ARHGEF9: variants seen among roughly 807,000 people sequenced by gnomAD.
ARHGEF9 encodes Cdc42 guanine nucleotide exchange factor 9, also known as rho guanine nucleotide exchange factor 9.
A neutral mutation model predicts 41.3 loss-of-function variants in ARHGEF9; 2 were observed. The ratio of observed to expected loss-of-function variants is 0.05; its 90% CI spans 0.02 to 0.15. ARHGEF9 has a LOEUF of 0.15. ARHGEF9 is among the 10% of genes least tolerant of loss of function. The pLI is 1.00. For synonymous variants in ARHGEF9, 160 were observed against 154.4 expected, an observed-to-expected ratio of 1.04 and a Z score of -0.27; for missense variants, 225 against 424.7, an observed-to-expected ratio of 0.53 and a Z score of 4.13.
intron 1 of ARHGEF9, among the ~76,000 whole-genome samples, chrX:63,780,275 T>C (rs1291329616): frequency 8.9e-6 from 1 of 111,874 alleles, no homozygotes; most frequent in Non-Finnish European, 1.9e-5. Flanking sequence ...TCAGTATAGA[T>C]ATACTTCTGT....
chrX:63,708,181 T>C (rs1475514771), intron 2 of ARHGEF9, among the ~76,000 whole-genome samples: 2 of 111,484 alleles, frequency 1.8e-5, no homozygotes, highest in Non-Finnish European at 3.8e-5. Flanking sequence ...CTCATATACA[T>C]GATGCTGTCT....
intron 1 of ARHGEF9, among the ~76,000 whole-genome samples, chrX:63,767,947 T>C (rs2056140374): frequency 8.9e-6 from 1 of 111,891 alleles, no homozygotes; most frequent in Non-Finnish European, 1.9e-5. Flanking sequence ...GGGAGAGTGT[T>C]GTTGTGAGGA....
chrX:63,684,669 G>T (rs1387021268), intron 4 of ARHGEF9, among the ~76,000 whole-genome samples: 7 of 110,132 alleles, frequency 6.4e-5, no homozygotes. Context: ...ACTGTCGGGT[G>T]TATATGTATA....
At chrX:63,725,182 C>T (rs1269175052) in intron 1 of ARHGEF9, among the ~76,000 whole-genome samples, 1 of 110,746 alleles carries the variant, frequency 9.0e-6, no homozygotes, top group African/African-American at 3.3e-5. Flanking sequence ...TATTTAACCC[C>T]ACCGTGACCC....
intron 2 of ARHGEF9, chrX:63,713,020 A>C (rs2053043440): frequency 8.9e-6 from 1 of 111,893 alleles, no homozygotes. Flanking sequence ...AACTACCATA[A>C]TATCCAGCCA....
chrX:63,733,644 T>C (rs1474359524), intron 1 of ARHGEF9, among the ~76,000 whole-genome samples: 1 of 112,408 alleles, frequency 8.9e-6, no homozygotes, highest in Non-Finnish European at 1.9e-5. Flanking sequence ...AAAATCATCT[T>C]TTTCCTAATT....
intron 3 of ARHGEF9, among the ~76,000 whole-genome samples, chrX:63,703,478 T>C (rs2052327880): frequency 8.9e-6 from 1 of 112,439 alleles, no homozygotes; most frequent in South Asian, 3.7e-4. Context: ...ACAACTTTTG[T>C]CCTGTTTGAA....
chrX:63,656,967 G>T (rs1199531198), intron 7 of ARHGEF9: 1 of 111,986 alleles, frequency 8.9e-6, no homozygotes, highest in African/African-American at 3.2e-5. Flanking sequence ...TGACATATAG[G>T]CCTATGGAAT....
In ARHGEF9 at chrX:63,674,013, A is replaced by G. The variant is rs1367219012; in HGVS notation, c.945+25T>C. On this transcript the variant is annotated intron_variant, in intron 6 of 9. Coordinates refer to ENST00000671741, the MANE Select transcript of ARHGEF9 (RefSeq NM_001353921.2). ...TTTGCCAAGCTATTCAGATTTCCCA[A>G]TACCCTGGTTGGTAAGTTTCCTACC... 5.8e-6 allele frequency: 7 copies of G among 1,208,467 alleles called. No homozygotes were observed. In the East Asian group the frequency reaches 8.9e-5, roughly 15 times the overall value.
Position 63,635,689 on chromosome X carries a change from C to A in ARHGEF9, c.*2339G>T. 1 of 266,115 alleles carries A rather than the reference C, an allele frequency of 3.8e-6. No individual in the cohort carries two copies. Among genetic ancestry groups the A allele is most frequent in the South Asian group, 6.9e-5 (1 of 14,409 alleles). 21.9% of individuals were successfully genotyped at this position (266,115 alleles called of 1,213,427 possible). On this transcript the variant is annotated 3_prime_UTR_variant, in exon 10 of 10. Transcript: ENST00000671741. ...ATATCCCTGATCCTGGAGCCCTGGG[C>A]AGAAGCCCCAAGGAGGGAGGAAATG...
intron 8 of ARHGEF9, 123 bp downstream of exon 8, chrX:63,655,371 C>G (rs1556334373): frequency 9.5e-7 from 1 of 1,047,609 alleles, no homozygotes; most frequent in African/African-American, 1.9e-5. Flanking sequence ...TAAGGAACCA[C>G]CAAAGTAGCT....
intron 1 of ARHGEF9, among the ~76,000 whole-genome samples, chrX:63,726,870 C>G (rs1201862744): frequency 8.9e-6 from 1 of 111,873 alleles, no homozygotes; most frequent in Non-Finnish European, 1.9e-5. Flanking sequence ...ATGTACACAG[C>G]CACCTTTAAT....
intron 4 of ARHGEF9, among the ~76,000 whole-genome samples, chrX:63,689,531 A>G (rs1249240918): frequency 1.8e-5 from 2 of 112,293 alleles, no homozygotes; most frequent in Non-Finnish European, 3.8e-5. Context: ...AGAGAGACAG[A>G]CTACAACACC....
At chrX:63,648,288 T>G (rs781801748) in intron 8 of ARHGEF9, among the ~76,000 whole-genome samples, 1 of 110,576 alleles carries the variant, frequency 9.0e-6, no homozygotes, top group Non-Finnish European at 1.9e-5. Flanking sequence ...AGAGTGGGGG[T>G]CAATATTGAA....
intron 1 of ARHGEF9, among the ~76,000 whole-genome samples, chrX:63,760,337 G>C (rs782388565): frequency 9.0e-6 from 1 of 111,183 alleles, no homozygotes; most frequent in Non-Finnish European, 1.9e-5. Flanking sequence ...AGATGCTCTT[G>C]CATGTTCATG....
At chrX:63,777,427 C>T (rs1485079080) in intron 1 of ARHGEF9, among the ~76,000 whole-genome samples, 3 of 110,641 alleles carry the variant, frequency 2.7e-5, no homozygotes, top group South Asian at 7.9e-4. Flanking sequence ...CACAGCCAAA[C>T]CATAGCATTC....
At chrX:63,752,082 C>A (rs782742288) in intron 1 of ARHGEF9, among the ~76,000 whole-genome samples, 6 of 111,576 alleles carry the variant, frequency 5.4e-5, no homozygotes, top group African/African-American at 1.3e-4. Context: ...GCAAAAAAAA[C>A]CCCTTCGCTT....
intron 1 of ARHGEF9, chrX:63,755,230 G>T (rs1392751012): frequency 5.3e-6 from 5 of 936,795 alleles, no homozygotes; most frequent in Admixed American, 5.8e-5. Flanking sequence ...AACAGATGCC[G>T]CAGTAGCACG....
Position 63,760,256 on chromosome X carries a change from G to T in ARHGEF9, c.30+24860C>A, listed in dbSNP as rs782404316. On this transcript the variant is annotated intron_variant, in intron 1 of 9. Transcript: ENST00000671741. ...CAACCCCTACCCTAGCTTCCTCATA[G>T]TCCCTCATGCTTGCTACAGTCTACA... Among the ~76,000 whole-genome samples the T allele has an allele frequency of 2.7e-5, 3 of 110,557 alleles. No homozygotes were observed. In the East Asian group the frequency reaches 8.6e-4, roughly 32 times the overall value.
Sources: gnomAD v4.1 joint callset for allele counts (sites outside exome capture counted in the v4.1 genomes callset) on GRCh38, gnomAD v4.1.1 for gene constraint, MANE v1.5 for transcripts, NCBI Gene and HGNC (gene_info 2026-07-23, HGNC 2026-07-21) for gene names.